The following KIF13A variants were observed in gnomAD, a reference collection of about 807,000 sequenced individuals.
KIF13A encodes kinesin-like protein KIF13A.
In KIF13A, 79 loss-of-function variants were observed where a neutral mutation model predicts 212.2. The observed-to-expected ratio is 0.37, with a 90% CI of 0.31 to 0.45. The LOEUF (loss-of-function observed/expected upper bound fraction) is 0.45. Among genes scored for constraint, KIF13A ranks in the 20% least tolerant of loss-of-function variants. The pLI, the probability that KIF13A is intolerant of heterozygous loss-of-function variation, is 1.00. For missense variants in KIF13A, 1,901 were observed against 2,209.0 expected (o/e 0.86, Z 2.79); for synonymous variants, 789 against 808.6 (o/e 0.98, Z 0.41).
chr6:17,861,219 A>G (rs954368632), intron 4 of KIF13A, among the ~76,000 whole-genome samples: 1 of 152,198 alleles, frequency 6.6e-6, no homozygotes, highest in Non-Finnish European at 1.5e-5. Context: ...TTCATTCTCC[A>G]TGTATTTTTA....
intron 17 of KIF13A, among the ~76,000 whole-genome samples, chr6:17,810,784 C>T (rs1275545259): frequency 6.6e-6 from 1 of 152,150 alleles, no homozygotes; most frequent in African/African-American, 2.4e-5. Flanking sequence ...ATGTACAGTT[C>T]ATAATAGGGT....
In KIF13A at chr6:17,799,338, C is replaced by G. The variant is rs764103279; in HGVS notation, c.2718G>C (p.Pro906=). Reference sequence around the variant, plus strand: ...GTGAAGGCACCTCGGGGTCCACCACCGGGGCAGCCACCGTAGACTCACACT... The same window carrying G: ...GTGAAGGCACCTCGGGGTCCACCACGGGGGCAGCCACCGTAGACTCACACT... The part of the protein sequence containing the change: ...WDQCESTVAA[P]VVDPEVPSPQ... The change falls in exon 22 of 39, where the codon CCG becomes CCC. Residue 906 remains proline (P), a synonymous_variant. Coordinates refer to ENST00000259711, the MANE Select transcript of KIF13A (RefSeq NM_022113.6). The surrounding 1 kb of genome is among the most constrained non-coding windows in gnomAD (Gnocchi z 4.4). 1.2e-6 allele frequency: 2 copies of G among 1,612,764 alleles called. No individual in the cohort carries two copies. The highest frequency in any genetic ancestry group is 3.3e-5 in the Admixed American group (2 of 59,904).
chr6:17,840,089 T>C (rs917136962), intron 9 of KIF13A, among the ~76,000 whole-genome samples: 1 of 152,054 alleles, frequency 6.6e-6, no homozygotes, highest in African/African-American at 2.4e-5. Context: ...GTGGGGGTAA[T>C]AGGGAATGAT....
intron 2 of KIF13A, among the ~76,000 whole-genome samples, chr6:17,945,295 G>A (rs1002003529): frequency 6.6e-6 from 1 of 151,966 alleles, no homozygotes; most frequent in African/African-American, 2.4e-5. Context: ...TTTATGTAAG[G>A]TGCCAAAATA....
Position 17,937,745 on chromosome 6 carries a change from TG to T in KIF13A, c.147-39566del, listed in dbSNP as rs764680423. Among the ~76,000 whole-genome samples the T allele has an allele frequency of 2.1e-4, 15 of 71,296 alleles. 1 individual carries two copies. The highest frequency in any genetic ancestry group is 6.3e-3 in the Middle Eastern group (1 of 158). The allele number at this position is 71,296 out of a possible 152,430, so 46.8% of individuals were successfully genotyped here. A position where few individuals can be genotyped will look rare whatever the true frequency, so the allele number is the denominator to read the frequency against. On this transcript the variant is annotated intron_variant, in intron 2 of 38. Transcript: ENST00000259711. ...TGCCCAGCTAATTTCTTTCCTTTTT[TG>T]TTTTTTTTTTTTTGTTTTTTTGAGA...
Position 17,850,337 on chromosome 6 carries a change from C to T in KIF13A, c.703G>A (p.Asp235Asn), listed in dbSNP as rs1269058074. The T allele has an allele frequency of 1.9e-6, 3 of 1,613,322 alleles. No homozygotes were observed. The highest frequency in any genetic ancestry group is 8.5e-7 in the Non-Finnish European group (1 of 1,179,602). The change falls in exon 8 of 39, where the codon GAC becomes AAC. Residue 235 changes from aspartate (D) to asparagine (N), a missense_variant. Coordinates refer to ENST00000259711, the MANE Select transcript of KIF13A (RefSeq NM_022113.6). This position sits in a 1 kb window ranked among gnomAD's most constrained non-coding sequence, Gnocchi z 6.2. ...TAATCCCTTACCCCAGACTGCAGGT[C>T]ATAAAGTGTCTGTGTGATTATGATG... ...FNIIITQTLY[D>N]LQSGNSGEKV...
rs2150381462 is a variant in KIF13A at position 17,838,114 on chromosome 6, G to A, written c.831-531C>T. Among the ~76,000 whole-genome samples the A allele has an allele frequency of 6.6e-6, 1 of 152,150 alleles. No homozygotes were observed. Among genetic ancestry groups the A allele is most frequent in the Non-Finnish European group, 1.5e-5 (1 of 67,998 alleles). ...GGTGGATCATGAGGTCAGGGGTCAG[G>A]AGATCAAGACCATCCTGGCCAACAT... On this transcript the variant is annotated intron_variant, in intron 9 of 38. Transcript: ENST00000259711. The surrounding 1 kb of genome is among the most constrained non-coding windows in gnomAD (Gnocchi z 4.2).
rs755395968 is a variant in KIF13A, at chr6:17,772,424, C to CA, written c.4325-366dup. On this transcript the variant is annotated intron_variant, in intron 36 of 38. Coordinates refer to ENST00000259711, the MANE Select transcript of KIF13A (RefSeq NM_022113.6). The surrounding 1 kb of genome is among the most constrained non-coding windows in gnomAD (Gnocchi z 4.8). ...AGGGAGACCCTGTCTAAAAACAAAA[C>CA]AAAAAAACCCCACAAACAACAAACA... Among the ~76,000 whole-genome samples, 92 of 151,980 alleles carry CA rather than the reference C, an allele frequency of 6.1e-4. No individual in the cohort carries two copies. Among genetic ancestry groups the CA allele is most frequent in the Admixed American group, 1.1e-3 (17 of 15,252 alleles).
intron 2 of KIF13A, among the ~76,000 whole-genome samples, chr6:17,942,360 T>C (rs1197674335): frequency 6.9e-5 from 10 of 144,914 alleles, no homozygotes; most frequent in African/African-American, 2.3e-4. Flanking sequence ...ATATATATAT[T>C]TCTGTTCATT....
At chr6:17,904,283 G>A (rs939543775) in intron 2 of KIF13A, among the ~76,000 whole-genome samples, 5 of 151,934 alleles carry the variant, frequency 3.3e-5, no homozygotes, top group African/African-American at 1.2e-4. Flanking sequence ...GCCTGGCCAA[G>A]ATGGTGAAAC....
At position 17,777,209 on chromosome 6, in the gene KIF13A, C is replaced by T. The variant is rs1445852647; in HGVS notation, c.4170+68G>A. ...AAGCTCTACTGCCACTGTGTGAATCCCACCTTCCCCCACCCCAGAGGCTGC... is the reference window on the plus strand; with the variant it reads ...AAGCTCTACTGCCACTGTGTGAATCTCACCTTCCCCCACCCCAGAGGCTGC... On this transcript the variant is annotated intron_variant, in intron 34 of 38. Coordinates refer to ENST00000259711, the MANE Select transcript of KIF13A (RefSeq NM_022113.6). The surrounding 1 kb of genome is among the most constrained non-coding windows in gnomAD (Gnocchi z 4.4). The T allele has an allele frequency of 6.2e-6, 8 of 1,283,088 alleles. No homozygotes were observed. In the Admixed American group the frequency reaches 7.8e-5, roughly 12 times the overall value. The allele number at this position is 1,283,088 out of a possible 1,614,324, so 79.5% of individuals were successfully genotyped here. A position where few individuals can be genotyped will look rare whatever the true frequency, so the allele number is the denominator to read the frequency against.
intron 9 of KIF13A, among the ~76,000 whole-genome samples, chr6:17,841,404 T>C (rs1231491032): frequency 6.6e-6 from 1 of 152,208 alleles, no homozygotes; most frequent in Non-Finnish European, 1.5e-5. Flanking sequence ...GTTATTAATC[T>C]CTGGGTGCTC....
At chr6:17,869,019 A>ACAAAAAAAAAAAAAAAAAAAAAAAAC (rs1448767018) in intron 4 of KIF13A, among the ~76,000 whole-genome samples, 1 of 126,514 alleles carries the variant, frequency 7.9e-6, no homozygotes, top group Non-Finnish European at 1.7e-5. Context: ...AAAAAAAAAA[A>ACAAAAAAAAAAAAAAAAAAAAAAAAC]ACACAAATAA....
At position 17,834,389 on chromosome 6, in the gene KIF13A, A is replaced by C. The variant is rs1196725777; in HGVS notation, c.1156-318T>G. On this transcript the variant is annotated intron_variant, in intron 11 of 38. Transcript: ENST00000259711. The surrounding 1 kb of genome is among the most constrained non-coding windows in gnomAD (Gnocchi z 4.0). Reference sequence around the variant, plus strand: ...CTTTGAAATAGATAAGCAGGACAAAAGGTTACTTAAGCAGACTTCTTTTTC... The same window carrying C: ...CTTTGAAATAGATAAGCAGGACAAACGGTTACTTAAGCAGACTTCTTTTTC... Among the ~76,000 whole-genome samples, 1 of 152,262 alleles carries C rather than the reference A, an allele frequency of 6.6e-6. No individual in the cohort carries two copies. The highest frequency in any genetic ancestry group is 2.4e-5 in the African/African-American group (1 of 41,478).
rs1419407506 is a variant in KIF13A, at chr6:17,836,969, T to C, written c.1064A>G (p.His355Arg). The C allele has an allele frequency of 1.9e-6, 3 of 1,613,958 alleles. No homozygotes were observed. The highest frequency in any genetic ancestry group is 2.5e-6 in the Non-Finnish European group (3 of 1,179,884). ...GTTGGGGTCCTCATTCACAACAGCA[T>C]GGTTCACAATCCTTTTGGCTCGGTC... ...YADRAKRIVNHAVVNEDPNAK... is the reference protein window; with the variant it reads ...YADRAKRIVNRAVVNEDPNAK... The change falls in exon 11 of 39, where the codon CAT (histidine) becomes CGT (arginine). Residue 355 changes from histidine (H) to arginine (R), a missense_variant. His to Arg is a conservative substitution (Grantham distance 29). Around this residue, in one of 5 missense-constraint regions of KIF13A, gnomAD observed 506 missense variants for 637.4 expected, o/e 0.79. Transcript: ENST00000259711.
chr6:17,877,947 C>A (rs975960893), intron 3 of KIF13A, among the ~76,000 whole-genome samples: 12 of 152,180 alleles, frequency 7.9e-5, no homozygotes, highest in African/African-American at 2.7e-4. Flanking sequence ...CTTATCCATT[C>A]ACAAATATTT....
At chr6:17,854,406 G>C (rs192446926) in intron 6 of KIF13A, among the ~76,000 whole-genome samples, 12 of 152,022 alleles carry the variant, frequency 7.9e-5, no homozygotes, top group Admixed American at 7.2e-4. Context: ...CCAAAATGTT[G>C]GAATTACAGG....
At chr6:17,962,627 T>G (rs60064752) in intron 2 of KIF13A, among the ~76,000 whole-genome samples, 1 of 152,114 alleles carries the variant, frequency 6.6e-6, no homozygotes, top group Non-Finnish European at 1.5e-5. Context: ...GTGGGGGCTG[T>G]GTGCAAGTAA....
At position 17,838,496 on chromosome 6, in the gene KIF13A, G is replaced by C. The variant is rs377655157; in HGVS notation, c.831-913C>G. Among the ~76,000 whole-genome samples the C allele has an allele frequency of 6.6e-6, 1 of 151,948 alleles. No individual in the cohort carries two copies. Among genetic ancestry groups the C allele is most frequent in the Admixed American group, 6.6e-5 (1 of 15,234 alleles). ...TTCCCCAAAGACGAGTCACTGAAAAGTCCCCGAAATATAATATAAACTCAA... is the reference window on the plus strand; with the variant it reads ...TTCCCCAAAGACGAGTCACTGAAAACTCCCCGAAATATAATATAAACTCAA... On this transcript the variant is annotated intron_variant, in intron 9 of 38. Transcript: ENST00000259711. The surrounding 1 kb of genome is among the most constrained non-coding windows in gnomAD (Gnocchi z 4.2).
Sources: gnomAD v4.1 joint callset for allele counts (sites outside exome capture counted in the v4.1 genomes callset) on GRCh38, gnomAD v4.1.1 for gene constraint, gnomAD v4.1.1 regional missense constraint, Gnocchi (gnomAD v3.1) non-coding constraint, MANE v1.5 for transcripts, NCBI Gene and HGNC (gene_info 2026-07-23, HGNC 2026-07-21) for gene names.